Variants in PLCB4 observed in about 807,000 individuals in gnomAD.
The protein encoded by PLCB4 is 1-phosphatidylinositol 4,5-bisphosphate phosphodiesterase beta-4.
In PLCB4, 77 loss-of-function variants were observed where a neutral mutation model predicts 178.8. The ratio of observed to expected loss-of-function variants is 0.43; its 90% CI spans 0.36 to 0.52. The LOEUF (loss-of-function observed/expected upper bound fraction) is 0.52, where lower values mean the gene tolerates loss of function less well. Ranked by LOEUF, PLCB4 falls within the 20% of genes least tolerant of loss-of-function variation. The pLI, the probability that PLCB4 is intolerant of heterozygous loss-of-function variation, is 0.00. For missense variants in PLCB4, 1,024 were observed against 1,453.4 expected (o/e 0.70, Z 4.80); for synonymous variants, 496 against 490.8 (o/e 1.01, Z -0.14).
In PLCB4 at chr20:9,479,713, A is replaced by T. The variant is rs944671828; in HGVS notation, c.*704A>T. 2.0e-5 allele frequency: 3 copies of T among 152,688 alleles called. No homozygotes were observed. The highest frequency in any genetic ancestry group is 7.2e-5 in the African/African-American group (3 of 41,468). The allele number at this position is 152,688 out of a possible 1,614,324, so 9.5% of individuals were successfully genotyped here. On this transcript the variant is annotated 3_prime_UTR_variant, in exon 40 of 40. Transcript: ENST00000378473. The stretch of plus-strand genomic sequence containing the variant: ...TGTTTCTGCAGATTCCGGATATTAT[A>T]ATTCACACCATAAAGATTGTGAAGT...
At chr20:9,314,101 G>A (rs1030458032) in intron 4 of PLCB4, among the ~76,000 whole-genome samples, 1 of 152,196 alleles carries the variant, frequency 6.6e-6, no homozygotes, top group Non-Finnish European at 1.5e-5. Flanking sequence ...TATTGAGGGG[G>A]TAAGGGGATT....
chr20:9,422,420 T>C (rs778215113), intron 27 of PLCB4, among the ~76,000 whole-genome samples: 1 of 152,218 alleles, frequency 6.6e-6, no homozygotes, highest in Non-Finnish European at 1.5e-5. Flanking sequence ...TGTCAGGATA[T>C]GGTGTAAATT....
At chr20:9,350,222 A>T (rs118043043) in intron 7 of PLCB4, among the ~76,000 whole-genome samples, 1 of 152,158 alleles carries the variant, frequency 6.6e-6, no homozygotes, top group Non-Finnish European at 1.5e-5. Flanking sequence ...AATATTTATT[A>T]TCTGGCTCTT....
At chr20:9,289,790 G>A (rs1340269554) in intron 3 of PLCB4, among the ~76,000 whole-genome samples, 1 of 152,080 alleles carries the variant, frequency 6.6e-6, no homozygotes, top group African/African-American at 2.4e-5. Flanking sequence ...CCATATTTGA[G>A]GGATTCTAAG....
chr20:9,219,475 C>A (rs937915730), intron 3 of PLCB4, among the ~76,000 whole-genome samples: 63 of 151,766 alleles, frequency 4.2e-4, no homozygotes, highest in Admixed American at 1.3e-4. Context: ...AAAAAAAAAA[C>A]TTTTACAGAG....
intron 2 of PLCB4, among the ~76,000 whole-genome samples, chr20:9,103,288 G>A (rs979399062): frequency 6.6e-6 from 1 of 151,940 alleles, no homozygotes; most frequent in African/African-American, 2.4e-5. Flanking sequence ...ATAACTATTT[G>A]CTATATTAAA....
At chr20:9,261,106 T>A (rs897174978) in intron 3 of PLCB4, among the ~76,000 whole-genome samples, 3 of 152,176 alleles carry the variant, frequency 2.0e-5, no homozygotes, top group African/African-American at 7.2e-5. Context: ...TCCAGTGTGC[T>A]TCATTTTCTA....
chr20:9,396,245 T>TAGACAAA, intron 19 of PLCB4, among the ~76,000 whole-genome samples: 1 of 152,274 alleles, frequency 6.6e-6, no homozygotes, highest in Middle Eastern at 3.4e-3. Context: ...TGTAATCCCT[T>TAGACAAA]TGTATAGACA....
intron 3 of PLCB4, among the ~76,000 whole-genome samples, chr20:9,222,105 T>C (rs2093807285): frequency 8.1e-6 from 1 of 122,758 alleles, no homozygotes; most frequent in Non-Finnish European, 1.7e-5. Context: ...TATTTTATTT[T>C]ATTTTGACAG....
intron 7 of PLCB4, among the ~76,000 whole-genome samples, chr20:9,353,300 T>G (rs1420811168): frequency 2.0e-5 from 3 of 152,184 alleles, no homozygotes; most frequent in East Asian, 3.9e-4. Context: ...ACTGTCTTTT[T>G]TCTTGCACTC....
intron 3 of PLCB4, among the ~76,000 whole-genome samples, chr20:9,298,212 C>T (rs908670737): frequency 2.0e-5 from 3 of 152,036 alleles, no homozygotes; most frequent in Admixed American, 6.6e-5. Context: ...ACCATTATAT[C>T]GTACCCACTT....
At chr20:9,372,207 C>A in intron 10 of PLCB4, 96 bp from the exon 11 acceptor site, 1 of 686,286 alleles carries the variant, frequency 1.5e-6, no homozygotes, top group South Asian at 1.9e-5. Flanking sequence ...GACCCTGAGT[C>A]CAAGTGGTCT....
At chr20:9,106,399 GT>G (rs924203172) in intron 2 of PLCB4, among the ~76,000 whole-genome samples, 18 of 151,384 alleles carry the variant, frequency 1.2e-4, no homozygotes, top group African/African-American at 4.1e-4. Context: ...AAACAGTGTA[GT>G]TTTTTTTCAA....
intron 3 of PLCB4, among the ~76,000 whole-genome samples, chr20:9,296,659 C>G (rs918011525): frequency 6.6e-6 from 1 of 152,070 alleles, no homozygotes; most frequent in Non-Finnish European, 1.5e-5. Context: ...ACATATACAC[C>G]ATGGAATACT....
intron 1 of PLCB4, among the ~76,000 whole-genome samples, chr20:9,073,793 C>G (rs1052386940): frequency 6.6e-6 from 1 of 151,988 alleles, no homozygotes; most frequent in East Asian, 1.9e-4. Context: ...AAGGCTGAGG[C>G]AGGAGGATCG....
intron 2 of PLCB4, among the ~76,000 whole-genome samples, chr20:9,207,697 A>G (rs2093629638): frequency 6.6e-6 from 1 of 152,218 alleles, no homozygotes; most frequent in Non-Finnish European, 1.5e-5. Context: ...CATCTGCTCC[A>G]CAATAGGAAA....
intron 3 of PLCB4, among the ~76,000 whole-genome samples, chr20:9,301,581 A>G (rs1317165113): frequency 6.6e-6 from 1 of 152,076 alleles, no homozygotes; most frequent in Non-Finnish European, 1.5e-5. Context: ...AAGAAAACCA[A>G]ATCTCTTCCT....
intron 20 of PLCB4, 47 bp from the exon 21 acceptor site, chr20:9,405,266 T>C (rs1023957770): frequency 2.7e-6 from 3 of 1,098,598 alleles, no homozygotes; most frequent in Admixed American, 2.4e-5. Flanking sequence ...AAATTTGGAA[T>C]TTTGCCCTTT....
chr20:9,155,054 C>CAGTGTACA (rs1306303598), intron 2 of PLCB4, among the ~76,000 whole-genome samples: 2 of 151,652 alleles, frequency 1.3e-5, no homozygotes, highest in South Asian at 4.2e-4. Context: ...ATCACACAAG[C>CAGTGTACA]AGTGTACATT....
Sources: allele counts gnomAD v4.1 joint callset (sites outside exome capture counted in the v4.1 genomes callset), GRCh38; gene constraint gnomAD v4.1.1; transcripts MANE v1.5; gene names NCBI Gene and HGNC (gene_info 2026-07-23, HGNC 2026-07-21).